Variants in ERC2 observed in about 807,000 individuals in gnomAD.
The protein encoded by ERC2 is ELKS/RAB6-interacting/CAST family member 2, also known as ERC protein 2.
A neutral mutation model predicts 114.8 loss-of-function variants in ERC2; 42 were observed. That is an observed-to-expected ratio of 0.37 (90% CI 0.29 to 0.47). ERC2 has a LOEUF of 0.47. ERC2 is among the 20% of genes least tolerant of loss of function. ERC2 has a pLI of 0.99. For synonymous variants in ERC2, 454 were observed against 425.5 expected (o/e 1.07, Z -0.82); for missense variants, 939 against 1,150.7 (o/e 0.82, Z 2.66).
At chr3:55,545,595 A>C (rs1283069563) in intron 17 of ERC2, among the ~76,000 whole-genome samples, 1 of 152,196 alleles carries the variant, frequency 6.6e-6, no homozygotes, top group East Asian at 1.9e-4. Context: ...ATCTGCTTCC[A>C]TTGGAGACAC....
At chr3:55,694,976 T>G (rs1371295958) in intron 16 of ERC2, among the ~76,000 whole-genome samples, 1 of 152,210 alleles carries the variant, frequency 6.6e-6, no homozygotes, top group African/African-American at 2.4e-5. Context: ...GGAATGAGCT[T>G]AATAAAATAT....
intron 12 of ERC2, among the ~76,000 whole-genome samples, chr3:55,971,150 G>C (rs1351657639): frequency 2.6e-5 from 4 of 152,078 alleles, no homozygotes; most frequent in Non-Finnish European, 4.4e-5. Context: ...ACTTAGATTA[G>C]TCGTTGCCAG....
chr3:56,377,096 G>A lies in ERC2; in HGVS notation c.657+57255C>T, dbSNP rs143013618. Reference sequence around the variant, plus strand: ...TACTGTCCTGTTTCTCCGATTAGAGGCCCAATGTTAATATCAATTACCACT... The same window carrying A: ...TACTGTCCTGTTTCTCCGATTAGAGACCCAATGTTAATATCAATTACCACT... On this transcript the variant is annotated intron_variant, in intron 2 of 17. Transcript: ENST00000288221. Among the ~76,000 whole-genome samples the A allele has an allele frequency of 4.1e-3, 619 of 152,156 alleles. 4 individuals are homozygous for A. Among genetic ancestry groups the A allele is most frequent in the African/African-American group, 0.013 (557 of 41,496 alleles).
chr3:56,121,186 C>T (rs142902883), intron 6 of ERC2, among the ~76,000 whole-genome samples: 16 of 152,148 alleles, frequency 1.1e-4, no homozygotes, highest in African/African-American at 3.6e-4. Context: ...TTTACTAAGA[C>T]AAAACTTAGT....
chr3:55,757,644 G>A (rs1369123252), intron 14 of ERC2, among the ~76,000 whole-genome samples: 1 of 152,024 alleles, frequency 6.6e-6, no homozygotes, highest in Non-Finnish European at 1.5e-5. Flanking sequence ...TATATAAAGA[G>A]CTTAACACAG....
At chr3:55,923,490 A>C (rs2065558109) in intron 13 of ERC2, among the ~76,000 whole-genome samples, 1 of 152,152 alleles carries the variant, frequency 6.6e-6, no homozygotes, top group African/African-American at 2.4e-5. Context: ...CCACTGGTAA[A>C]ATGGTAAATG....
chr3:55,605,352 T>TCC lies in ERC2; in HGVS notation c.*39+78440_*39+78441dup, dbSNP rs565748267. 2.8e-3 allele frequency among the ~76,000 whole-genome samples: 424 copies of TCC among 152,250 alleles called. 1 individual carries two copies. The highest frequency in any genetic ancestry group is 9.7e-3 in the African/African-American group (402 of 41,558). On this transcript the variant is annotated intron_variant, in intron 17 of 17. Coordinates refer to ENST00000288221, the MANE Select transcript of ERC2 (RefSeq NM_015576.3). ...CTCAAGTGATCCTCCCACCTCAGCCTCCCCAGTCACTGGGATTACAGACAT... is the reference window on the plus strand; with the variant it reads ...CTCAAGTGATCCTCCCACCTCAGCCTCCCCCCAGTCACTGGGATTACAGACAT...
intron 12 of ERC2, among the ~76,000 whole-genome samples, chr3:55,978,411 T>G (rs1473184237): frequency 6.6e-6 from 1 of 152,208 alleles, no homozygotes; most frequent in Non-Finnish European, 1.5e-5. Flanking sequence ...GTTTTCAACC[T>G]TTTCCTCAAA....
chr3:55,888,579 T>C, intron 13 of ERC2, 30 bp from the exon 14 acceptor site: 1 of 1,609,770 alleles, frequency 6.2e-7, no homozygotes, highest in South Asian at 1.1e-5. Context: ...CTGTGTGTTA[T>C]TTCTCCTTCA....
At chr3:56,306,973 C>T (rs1238149618) in intron 2 of ERC2, among the ~76,000 whole-genome samples, 2 of 152,214 alleles carry the variant, frequency 1.3e-5, no homozygotes, top group Non-Finnish European at 2.9e-5. Flanking sequence ...TCACTCCCCA[C>T]GTATCAGCAG....
rs1043401635 is a variant in ERC2, at chr3:56,008,877, AT to A, written c.1921-1557del. Reference sequence around the variant, plus strand: ...AAGACCTTCCAGTCGGCTTTTGCTGATGGCCTGTTCTGCGAATTTTGAAAAT... The same window carrying A: ...AAGACCTTCCAGTCGGCTTTTGCTGAGGCCTGTTCTGCGAATTTTGAAAAT... On this transcript the variant is annotated intron_variant, in intron 9 of 17. Transcript: ENST00000288221. Among the ~76,000 whole-genome samples, 35 of 152,180 alleles carry A rather than the reference AT, an allele frequency of 2.3e-4. 1 individual carries two copies. Among genetic ancestry groups the A allele is most frequent in the Non-Finnish European group, 1.5e-5 (1 of 68,022 alleles).
chr3:56,191,386 C>T (rs538705487), intron 3 of ERC2, among the ~76,000 whole-genome samples: 1 of 152,280 alleles, frequency 6.6e-6, no homozygotes, highest in South Asian at 2.1e-4. Flanking sequence ...TACCCTCTGG[C>T]ACACGGCTGA....
At chr3:55,854,088 A>C (rs2061685937) in intron 14 of ERC2, among the ~76,000 whole-genome samples, 2 of 152,148 alleles carry the variant, frequency 1.3e-5, no homozygotes, top group African/African-American at 4.8e-5. Context: ...CAGTCTGGCC[A>C]ATATGGTAAA....
chr3:55,588,928 G>A (rs76652203), intron 17 of ERC2, among the ~76,000 whole-genome samples: 4,341 of 152,142 alleles, frequency 0.029, 165 homozygotes, highest in African/African-American at 0.081. Context: ...GGGGCATTTC[G>A]GAGGACCATT....
rs555748831 is a variant in ERC2 at position 56,398,826 on chromosome 3, C to T, written c.657+35525G>A. On this transcript the variant is annotated intron_variant, in intron 2 of 17. Coordinates refer to ENST00000288221, the MANE Select transcript of ERC2 (RefSeq NM_015576.3). The stretch of plus-strand genomic sequence containing the variant: ...TTGAGACAGGATCTTGCTATGCTGC[C>T]CAGGCTAGCCTTGAACTCTTAGCCT... Among the ~76,000 whole-genome samples the T allele has an allele frequency of 2.6e-5, 4 of 152,222 alleles. No homozygotes were observed. The South Asian group carries it at 8.3e-4, about 32-fold the overall frequency.
In ERC2 at chr3:56,311,400, G is replaced by A. The variant is rs1037897919; in HGVS notation, c.658-14965C>T. On this transcript the variant is annotated intron_variant, in intron 2 of 17. Transcript: ENST00000288221. ...CTGCAAGCTCTGCCTCCCAGGTTCA[G>A]CCATTCTCCTGCCTCAGCCTCCCAA... Among the ~76,000 whole-genome samples the A allele has an allele frequency of 1.5e-4, 10 of 65,044 alleles. No individual in the cohort carries two copies. The East Asian group carries it at 2.8e-3, about 18-fold the overall frequency. The allele number at this position is 65,044 out of a possible 152,430, so 42.7% of individuals were successfully genotyped here. A position where few individuals can be genotyped will look rare whatever the true frequency, so the allele number is the denominator to read the frequency against.
chr3:56,395,976 G>T (rs559784826), intron 2 of ERC2, among the ~76,000 whole-genome samples: 1 of 152,124 alleles, frequency 6.6e-6, no homozygotes, highest in Non-Finnish European at 1.5e-5. Flanking sequence ...AAGCTAAAAA[G>T]CTTGCAAAAA....
At chr3:56,298,084 A>G (rs184899893) in intron 2 of ERC2, among the ~76,000 whole-genome samples, 1 of 152,350 alleles carries the variant, frequency 6.6e-6, no homozygotes, top group East Asian at 1.9e-4. Flanking sequence ...GCTCCCCTAT[A>G]AAGTGTAACA....
intron 17 of ERC2, among the ~76,000 whole-genome samples, chr3:55,542,878 C>T (rs1354021733): frequency 6.6e-6 from 1 of 152,320 alleles, no homozygotes; most frequent in East Asian, 1.9e-4. Flanking sequence ...TGTCTTCCTT[C>T]TGCTTTCTAT....
Sources: allele counts gnomAD v4.1 joint callset (sites outside exome capture counted in the v4.1 genomes callset), GRCh38; gene constraint gnomAD v4.1.1; transcripts MANE v1.5; gene names NCBI Gene and HGNC (gene_info 2026-07-23, HGNC 2026-07-21).